Variants in ADGRL2 observed in about 807,000 individuals in gnomAD.
ADGRL2 encodes the protein adhesion G protein-coupled receptor L2.
In ADGRL2, 44 loss-of-function variants were observed where a neutral mutation model predicts 157.4. The ratio of observed to expected loss-of-function variants is 0.28; its 90% CI spans 0.22 to 0.36. The LOEUF is 0.36. ADGRL2 is among the 10% of genes least tolerant of loss of function. The pLI is 1.00. For missense variants in ADGRL2, 1,510 were observed against 1,768.9 expected, an observed-to-expected ratio of 0.85 and a Z score of 2.63; for synonymous variants, 585 against 624.7, an observed-to-expected ratio of 0.94 and a Z score of 0.95.
At chr1:81,377,376 A>T (rs912567851) in intron 1 of ADGRL2, among the ~76,000 whole-genome samples, 3 of 152,164 alleles carry the variant, frequency 2.0e-5, no homozygotes, top group Non-Finnish European at 4.4e-5. Flanking sequence ...GGTAAATGGT[A>T]CTATCATGAT....
At chr1:81,570,043 A>G (rs1330103693) in intron 2 of ADGRL2, among the ~76,000 whole-genome samples, 1 of 152,056 alleles carries the variant, frequency 6.6e-6, no homozygotes, top group East Asian at 1.9e-4. Flanking sequence ...ATCTTAACCA[A>G]TTCTTTCAAA....
At chr1:81,978,165 G>A (rs1051581450) in intron 17 of ADGRL2, among the ~76,000 whole-genome samples, 5 of 151,328 alleles carry the variant, frequency 3.3e-5, no homozygotes, top group African/African-American at 9.7e-5. Flanking sequence ...AATCAGATAT[G>A]TACTATACTA....
chr1:81,555,256 ATTTCT>A (rs1244476709), intron 2 of ADGRL2, among the ~76,000 whole-genome samples: 2 of 139,918 alleles, frequency 1.4e-5, no homozygotes, highest in Admixed American at 1.4e-4. Flanking sequence ...GCTGGTCTCT[ATTTCT>A]TTTCTTTTTT....
chr1:81,863,009 C>A (rs1428500704), intron 2 of ADGRL2, among the ~76,000 whole-genome samples: 1 of 152,102 alleles, frequency 6.6e-6, no homozygotes, highest in Non-Finnish European at 1.5e-5. Flanking sequence ...TTTTTGGCAT[C>A]ATGTTTATAC....
In ADGRL2 at chr1:81,954,194, C is replaced by T. The variant is rs141003186; in HGVS notation, c.1833+1169C>T. Among the ~76,000 whole-genome samples, 318 of 149,624 alleles carry T rather than the reference C, an allele frequency of 2.1e-3. 4 individuals carry two copies. The highest frequency in any genetic ancestry group is 7.3e-3 in the African/African-American group (300 of 40,970). ...TTGGTATGTTGCCCAGGACATACAT[C>T]GCAGTTGGAAAAGAATAGCTTTTTT... On this transcript the variant is annotated intron_variant, in intron 10 of 23. Transcript: ENST00000686636.
intron 1 of ADGRL2, among the ~76,000 whole-genome samples, chr1:81,719,004 A>C (rs1434767656): frequency 6.6e-6 from 1 of 152,242 alleles, no homozygotes; most frequent in African/African-American, 2.4e-5. Context: ...TGTAGTTATT[A>C]ACCCTTATGG....
chr1:81,870,308 C>T (rs372300047), intron 2 of ADGRL2, among the ~76,000 whole-genome samples: 111 of 152,150 alleles, frequency 7.3e-4, no homozygotes, highest in Middle Eastern at 6.8e-3. Context: ...ACACCCAGAA[C>T]GACCAGTGAT....
intron 1 of ADGRL2, among the ~76,000 whole-genome samples, chr1:81,828,976 A>G (rs924392247): frequency 6.6e-6 from 1 of 151,000 alleles, no homozygotes; most frequent in Non-Finnish European, 1.5e-5. Flanking sequence ...CAGTGGCGCT[A>G]TCTTGGCTCA....
chr1:81,535,695 T>A (rs532221004), intron 2 of ADGRL2, among the ~76,000 whole-genome samples: 1 of 152,296 alleles, frequency 6.6e-6, no homozygotes. Context: ...TATAAACGCA[T>A]AGCAGGATTT....
chr1:81,677,755 C>G (rs1477508224), intron 3 of ADGRL2, among the ~76,000 whole-genome samples: 2 of 152,166 alleles, frequency 1.3e-5, no homozygotes, highest in African/African-American at 4.8e-5. Context: ...CCAACCCATT[C>G]TTTATGTTGA....
chr1:81,361,338 C>T (rs1388680641), intron 1 of ADGRL2, among the ~76,000 whole-genome samples: 1 of 151,902 alleles, frequency 6.6e-6, no homozygotes, highest in Non-Finnish European at 1.5e-5. Context: ...AATAGTCAAA[C>T]TTATCTTGAT....
At chr1:81,876,371 A>G (rs1177022016) in intron 2 of ADGRL2, among the ~76,000 whole-genome samples, 1 of 152,088 alleles carries the variant, frequency 6.6e-6, no homozygotes, top group Admixed American at 6.6e-5. Flanking sequence ...ATTTGTTTTT[A>G]TGGTATATCT....
chr1:81,486,265 C>T (rs553237297), intron 2 of ADGRL2, among the ~76,000 whole-genome samples: 20 of 152,162 alleles, frequency 1.3e-4, no homozygotes, highest in South Asian at 2.1e-4. Flanking sequence ...TTTACAAGAC[C>T]GATATTCCCA....
intron 3 of ADGRL2, among the ~76,000 whole-genome samples, chr1:81,912,835 T>C (rs1309205422): frequency 1.3e-5 from 2 of 152,128 alleles, no homozygotes; most frequent in Admixed American, 6.5e-5. Flanking sequence ...AGTTTCAAGA[T>C]AGAAATCAAG....
chr1:81,886,511 T>A (rs2094132485), intron 2 of ADGRL2, among the ~76,000 whole-genome samples: 1 of 152,206 alleles, frequency 6.6e-6, no homozygotes, highest in East Asian at 1.9e-4. Flanking sequence ...CTATAAAATG[T>A]GATTGTAATC....
intron 2 of ADGRL2, among the ~76,000 whole-genome samples, chr1:81,883,071 C>T (rs1256977256): frequency 6.6e-6 from 1 of 152,170 alleles, no homozygotes; most frequent in Non-Finnish European, 1.5e-5. Flanking sequence ...CTGGCAACAG[C>T]AGTTGGTTTG....
rs1664853713 is a variant in ADGRL2, at chr1:81,993,075, ATATATATATATATTTTTTTTTT to A, written c.*1932_*1953del. Among the ~76,000 whole-genome samples the A allele has an allele frequency of 4.0e-5, 1 of 25,232 alleles. No individual in the cohort carries two copies. The highest frequency in any genetic ancestry group is 2.1e-4 in the African/African-American group (1 of 4,748). The allele number at this position is 25,232 out of a possible 152,430, so 16.6% of individuals were successfully genotyped here. On this transcript the variant is annotated 3_prime_UTR_variant, in exon 24 of 24. Transcript: ENST00000686636. ...ATAATATACATATATATATATATAT[ATATATATATATATTTTTTTTTT>A]TTTTTTTTTTTTTTTTTTTTTTGGG...
chr1:81,833,758 CTG>C (rs1327239009), intron 1 of ADGRL2, among the ~76,000 whole-genome samples: 1 of 152,172 alleles, frequency 6.6e-6, no homozygotes, highest in African/African-American at 2.4e-5. Flanking sequence ...CTGCAGCTGA[CTG>C]TACATTGCAC....
In ADGRL2 at chr1:81,307,773, T is replaced by A. The variant is rs576746143; in HGVS notation, c.-302+1264T>A. Among the ~76,000 whole-genome samples the A allele has an allele frequency of 1.3e-4, 20 of 152,214 alleles. No individual in the cohort carries two copies. In the East Asian group the frequency reaches 2.1e-3, roughly 16 times the overall value. On this transcript the variant is annotated intron_variant, in intron 1 of 24. Transcript: ENST00000370721. The stretch of plus-strand genomic sequence containing the variant: ...TTAGTGAAGTTCGAAGGAAAAAAAA[T>A]TTATTATCCACATAAAATATCTCAA...
Sources: gnomAD v4.1 joint callset for allele counts (sites outside exome capture counted in the v4.1 genomes callset) on GRCh38, gnomAD v4.1.1 for gene constraint, MANE v1.5 for transcripts, NCBI Gene and HGNC (gene_info 2026-07-23, HGNC 2026-07-21) for gene names.